The following MTMR11 variants were observed in gnomAD, a reference collection of about 807,000 sequenced individuals.
MTMR11 encodes myotubularin related protein 11, also known as myotubularin-related protein 11.
In MTMR11, 89 loss-of-function variants were observed where a neutral mutation model predicts 100.0. That is an observed-to-expected ratio of 0.89 (90% CI 0.75 to 1.06). The LOEUF (loss-of-function observed/expected upper bound fraction) is 1.06. MTMR11 is among the 50% of genes least tolerant of loss of function. MTMR11 has a pLI of 0.00. For synonymous variants in MTMR11, 336 were observed against 326.3 expected (o/e 1.03, Z -0.32); for missense variants, 809 against 873.7 (o/e 0.93, Z 0.93).
chr1:149,929,965 A>G, intron 15 of MTMR11, 49 bp from the exon 16 acceptor site: 6 of 1,560,758 alleles, frequency 3.8e-6, no homozygotes, highest in Non-Finnish European at 5.2e-6. Flanking sequence ...AGATAACCCT[A>G]GTTTCCCCAA....
chr1:149,936,103 T>TGGC (rs1451839554), intron 2 of MTMR11, 51 bp downstream of exon 2: 1 of 1,560,538 alleles, frequency 6.4e-7, no homozygotes, highest in African/African-American at 1.4e-5. Context: ...GAAACAAGAT[T>TGGC]GGCGTAGGAT....
rs782501911 is a variant in MTMR11, at chr1:149,932,311, A to T, written c.1005T>A (p.Asp335Glu). ...LCLPDSSVAE[D>E]KWLSALEGTR... The stretch of plus-strand genomic sequence containing the variant: ...TTCCTTCCAGGGCTGAAAGCCATTT[A>T]TCCTCAGCTACAGATGAATCTGATA... The change falls in exon 11 of 17, where the codon GAT (aspartate) becomes GAA (glutamate). Residue 335 changes from aspartate (D) to glutamate (E), a missense_variant. Transcript: ENST00000439741. 6 of 1,613,708 alleles carry T rather than the reference A, an allele frequency of 3.7e-6. No homozygotes were observed. Among genetic ancestry groups the T allele is most frequent in the Admixed American group, 3.3e-5 (2 of 60,006 alleles).
rs1291501965 is a variant in MTMR11 at position 149,930,197 on chromosome 1, GTCT to G, written c.1647+165_1647+167del. 1.5e-4 allele frequency: 115 copies of G among 748,054 alleles called. 2 individuals are homozygous for G. The East Asian group carries it at 2.4e-3, about 15-fold the overall frequency. 46.3% of individuals were successfully genotyped at this position (748,054 alleles called of 1,614,324 possible). A position where few individuals can be genotyped will look rare whatever the true frequency, so the allele number is the denominator to read the frequency against. ...AAGGGTGCCCTCTGTGCTATTCTAGGTCTTCTGTCTTCCTAGGGACACCCAGGG... is the reference window on the plus strand; with the variant it reads ...AAGGGTGCCCTCTGTGCTATTCTAGGTCTGTCTTCCTAGGGACACCCAGGG... On this transcript the variant is annotated intron_variant, in intron 15 of 16. Coordinates refer to ENST00000439741, the MANE Select transcript of MTMR11 (RefSeq NM_001145862.2).
Position 149,933,689 on chromosome 1 carries a change from A to G in MTMR11, c.781T>C (p.Trp261Arg). The part of the protein sequence containing the change: ...FHQGRGPRLS[W>R]HHPGGSDLLR... Reference sequence around the variant, plus strand: ...AGATCACTGCCCCCAGGGTGATGCCAGGACAAGCGCTTCACATGGGGCAGA... The same window carrying G: ...AGATCACTGCCCCCAGGGTGATGCCGGGACAAGCGCTTCACATGGGGCAGA... Residue 261 changes from tryptophan to arginine, a missense_variant, in exon 9 of 17, where the codon TGG (tryptophan) becomes CGG (arginine). Physicochemically the swap from Trp to Arg is moderately radical, Grantham distance 101. Transcript: ENST00000439741. The G allele has an allele frequency of 1.2e-6, 2 of 1,614,174 alleles. No homozygotes were observed. Among genetic ancestry groups the G allele is most frequent in the South Asian group, 2.2e-5 (2 of 91,088 alleles).
chr1:149,934,544 T>G lies in MTMR11; in HGVS notation c.469-18A>C, dbSNP rs1249852352. 3.7e-6 allele frequency: 6 copies of G among 1,611,902 alleles called. No homozygotes were observed. In the Middle Eastern group the frequency reaches 4.9e-4, roughly 133 times the overall value. The stretch of plus-strand genomic sequence containing the variant: ...ATGGTCACCTGCAGAGGAAAGGACA[T>G]TCCATCCTTTTGGCTTAGGCTGAGT... On this transcript the variant is annotated intron_variant, in intron 5 of 16. Coordinates refer to ENST00000439741, the MANE Select transcript of MTMR11 (RefSeq NM_001145862.2).
intron 10 of MTMR11, 23 bp downstream of exon 10, chr1:149,933,383 T>G: frequency 6.2e-7 from 1 of 1,613,664 alleles, no homozygotes. Flanking sequence ...GGGTGAGGGT[T>G]AGGGGTCAAA....
Position 149,933,892 on chromosome 1 carries a change from C to T in MTMR11, c.734G>A (p.Arg245Lys), listed in dbSNP as rs1485041181. 4 of 1,614,124 alleles carry T rather than the reference C, an allele frequency of 2.5e-6. No individual in the cohort carries two copies. The African/African-American group carries it at 5.3e-5, about 22-fold the overall frequency. ...VPNRILDSEV[R>K]RAFGHFHQGR... The stretch of plus-strand genomic sequence containing the variant: ...CTGATGAAAGTGGCCAAATGCTCTC[C>T]TGACCTCACTGTCCAGAATTCGGTT... Residue 245 changes from arginine to lysine, a missense_variant, in exon 8 of 17, where the codon AGG (arginine) becomes AAG (lysine). By Grantham distance (26) the Arg-to-Lys change is conservative (BLOSUM62 2). Transcript: ENST00000439741.
intron 10 of MTMR11, 131 bp from the exon 11 acceptor site, chr1:149,932,461 A>C: frequency 1.4e-6 from 1 of 720,798 alleles, no homozygotes; most frequent in East Asian, 2.5e-5. Context: ...TTCTAAAATT[A>C]AACTGTGGTG....
At chr1:149,932,079 T>A in intron 11 of MTMR11, 65 bp from the exon 12 acceptor site, 1 of 1,493,174 alleles carries the variant, frequency 6.7e-7, no homozygotes, top group Non-Finnish European at 9.3e-7. Flanking sequence ...GTGATTTTGA[T>A]GGGTCATGGG....
intron 16 of MTMR11, 147 bp downstream of exon 16, chr1:149,929,476 T>C (rs2092625976): frequency 8.2e-7 from 1 of 1,226,768 alleles, no homozygotes; most frequent in Non-Finnish European, 1.1e-6. Context: ...CCTCCTACAC[T>C]CCCAAACCTT....
intron 16 of MTMR11, 81 bp downstream of exon 16, chr1:149,929,542 C>G (rs2092627175): frequency 6.7e-7 from 1 of 1,487,106 alleles, no homozygotes; most frequent in African/African-American, 1.4e-5. Context: ...GGCTTCAGCT[C>G]CTTGCCTTTC....
chr1:149,935,662 C>T lies in MTMR11; in HGVS notation c.186G>A (p.Leu62=). 1 of 1,613,858 alleles carries T rather than the reference C, an allele frequency of 6.2e-7. No homozygotes were observed. The highest frequency in any genetic ancestry group is 8.5e-7 in the Non-Finnish European group (1 of 1,179,880). ...TCAGGGTTCCAGACAATTCTGGTTC[C>T]AGGCCCTTCCTCACCCCTGGGGCCC... is the stretch of plus-strand genomic sequence containing the variant. The part of the protein sequence containing the change: ...LAWAPGVRKG[L]EPELSGTLIC... Residue 62 remains leucine, a synonymous_variant, in exon 3 of 17, where the codon CTG becomes CTA. Coordinates refer to ENST00000439741, the MANE Select transcript of MTMR11 (RefSeq NM_001145862.2).
intron 15 of MTMR11, 94 bp from the exon 16 acceptor site, chr1:149,930,010 C>A: frequency 7.8e-7 from 1 of 1,274,360 alleles, no homozygotes; most frequent in Non-Finnish European, 1.1e-6. Flanking sequence ...CTGCCACCCA[C>A]TCACTGCACT....
At chr1:149,931,486 A>G (rs2092660745) in intron 12 of MTMR11, 60 bp from the exon 13 acceptor site, 1 of 1,456,884 alleles carries the variant, frequency 6.9e-7, no homozygotes, top group Admixed American at 2.3e-5. Context: ...AGGGCAGAAG[A>G]GAATGAGAAG....
intron 14 of MTMR11, 35 bp downstream of exon 14, chr1:149,930,757 A>G (rs2092647575): frequency 2.6e-6 from 4 of 1,520,998 alleles, no homozygotes; most frequent in Non-Finnish European, 3.5e-6. Flanking sequence ...TCTCAATGGA[A>G]AAAAAAACAC....
At position 149,931,308 on chromosome 1, in the gene MTMR11, A is replaced by G. The variant is rs781810386; in HGVS notation, c.1242T>C (p.Ala414=). The stretch of plus-strand genomic sequence containing the variant: ...CAAGCCGAGTCAGGAAGGGATGTCC[A>G]GCTGCCACCCACTCTCGCTGTACTA... ...QSLVQREWVA[A]GHPFLTRLGG... The change falls in exon 13 of 17, where the codon GCT becomes GCC. Residue 414 remains alanine, a synonymous_variant. Coordinates refer to ENST00000439741, the MANE Select transcript of MTMR11 (RefSeq NM_001145862.2). 2.6e-5 allele frequency: 42 copies of G among 1,613,984 alleles called. No individual in the cohort carries two copies. Among genetic ancestry groups the G allele is most frequent in the Non-Finnish European group, 3.4e-5 (40 of 1,180,020 alleles).
At position 149,930,940 on chromosome 1, in the gene MTMR11, T is replaced by A. The variant is rs1553767451; in HGVS notation, c.1316A>T (p.Asp439Val). ...CTGCTGGAGGAGCTGCCAGACACAA[T>A]CAAGGAAGAGGAGAAACACCGGAGC... Reference protein sequence around the residue: ...EEAPVFLLFLDCVWQLLQQFP... With the variant: ...EEAPVFLLFLVCVWQLLQQFP... The change falls in exon 14 of 17, where the codon GAT (aspartate) becomes GTT (valine). Residue 439 changes from aspartate (D) to valine (V), a missense_variant. By Grantham distance (152) the Asp-to-Val change is radical. Coordinates refer to ENST00000439741, the MANE Select transcript of MTMR11 (RefSeq NM_001145862.2). 5.0e-6 allele frequency: 8 copies of A among 1,606,570 alleles called. No homozygotes were observed. The highest frequency in any genetic ancestry group is 6.8e-6 in the Non-Finnish European group (8 of 1,177,982).
Position 149,932,044 on chromosome 1 carries a change from A to C in MTMR11, c.1053-30T>G, listed in dbSNP as rs782242869. The stretch of plus-strand genomic sequence containing the variant: ...AGGAGCAGGTGAGGAAGAGGGAGGA[A>C]GAATGATAAGCCTAGGGGAATGGAG... On this transcript the variant is annotated intron_variant, in intron 11 of 16. Coordinates refer to ENST00000439741, the MANE Select transcript of MTMR11 (RefSeq NM_001145862.2). 5 of 1,584,220 alleles carry C rather than the reference A, an allele frequency of 3.2e-6. No individual in the cohort carries two copies. The East Asian group carries it at 9.0e-5, about 28-fold the overall frequency.
rs782056056 is a variant in MTMR11 at position 149,935,047 on chromosome 1, C to T, written c.407G>A (p.Arg136Gln). The change falls in exon 5 of 17, where the codon CGA becomes CAA. Residue 136 changes from arginine (R) to glutamine (Q), a missense_variant. Coordinates refer to ENST00000439741, the MANE Select transcript of MTMR11 (RefSeq NM_001145862.2). ...FIPEEILIHG[R>Q]DFRLLRVGFE... ...ACCAACTCTGAGCAGCCGGAAGTCT[C>T]GGCCATGAATCAGAATCTCCTCAGG... 3.7e-6 allele frequency: 6 copies of T among 1,614,010 alleles called. No individual in the cohort carries two copies. Among genetic ancestry groups the T allele is most frequent in the South Asian group, 3.3e-5 (3 of 91,080 alleles).
Sources: gnomAD v4.1 joint callset for allele counts on GRCh38, gnomAD v4.1.1 for gene constraint, MANE v1.5 for transcripts, NCBI Gene and HGNC (gene_info 2026-07-23, HGNC 2026-07-21) for gene names.